Variants in MALRD1 observed in about 807,000 individuals in gnomAD.
MALRD1 encodes MAM and LDL receptor class A domain containing 1.
MALRD1 carries 247 observed loss-of-function variants against 242.1 expected under a neutral mutation model. That is an observed-to-expected ratio of 1.02 (90% CI 0.92 to 1.13). The LOEUF (loss-of-function observed/expected upper bound fraction) is 1.13. Among genes scored for constraint, MALRD1 ranks in the 50% most tolerant of loss-of-function variants. The pLI is 0.00. For synonymous variants in MALRD1, 995 were observed against 866.6 expected (o/e 1.15, Z -2.60); for missense variants, 2,989 against 2,533.1 (o/e 1.18, Z -3.86).
intron 2 of MALRD1, among the ~76,000 whole-genome samples, chr10:19,075,099 G>C (rs1835276370): frequency 6.6e-6 from 1 of 151,938 alleles, no homozygotes; most frequent in Non-Finnish European, 1.5e-5. Context: ...TCTTTCAAGT[G>C]AATTAATCCA....
chr10:19,084,348 A>G (rs952163438), intron 2 of MALRD1, among the ~76,000 whole-genome samples: 4 of 151,960 alleles, frequency 2.6e-5, no homozygotes, highest in Admixed American at 2.0e-4. Context: ...TCATATTTCT[A>G]TAAGTTTTGA....
chr10:19,514,702 C>T (rs938919049), intron 31 of MALRD1, among the ~76,000 whole-genome samples: 1 of 152,084 alleles, frequency 6.6e-6, no homozygotes, highest in African/African-American at 2.4e-5. Flanking sequence ...ACTCACTTTT[C>T]TTAAGAAATG....
intron 32 of MALRD1, among the ~76,000 whole-genome samples, chr10:19,549,225 C>T (rs1321244542): frequency 6.6e-6 from 1 of 152,138 alleles, no homozygotes; most frequent in Non-Finnish European, 1.5e-5. Context: ...AAAGAAGCCA[C>T]CTGCTTAACA....
Position 19,514,255 on chromosome 10 carries a change from C to A in MALRD1, c.5320+15609C>A, listed in dbSNP as rs186987491. On this transcript the variant is annotated intron_variant, in intron 31 of 39. Transcript: ENST00000454679. ...TATGACTGACAGCATTATACTACAACCATCAGTTTCCTTGGAATTTTATAT... is the reference window on the plus strand; with the variant it reads ...TATGACTGACAGCATTATACTACAAACATCAGTTTCCTTGGAATTTTATAT... 9.2e-5 allele frequency among the ~76,000 whole-genome samples: 14 copies of A among 152,210 alleles called. No individual in the cohort carries two copies. The East Asian group carries it at 2.7e-3, about 29-fold the overall frequency.
At chr10:19,411,644 C>G (rs118191067) in intron 28 of MALRD1, among the ~76,000 whole-genome samples, 34 of 152,190 alleles carry the variant, frequency 2.2e-4, no homozygotes, top group African/African-American at 8.2e-4. Flanking sequence ...TTCCAGGATC[C>G]GAGCGCTTAA....
intron 14 of MALRD1, among the ~76,000 whole-genome samples, chr10:19,195,637 A>G (rs969372430): frequency 3.3e-5 from 5 of 152,134 alleles, no homozygotes; most frequent in Admixed American, 2.0e-4. Flanking sequence ...AAATGACAAC[A>G]CCATTCTTCA....
chr10:19,707,043 C>T (rs1333580205), intron 38 of MALRD1, among the ~76,000 whole-genome samples: 1 of 148,112 alleles, frequency 6.8e-6, no homozygotes, highest in Non-Finnish European at 1.5e-5. Flanking sequence ...CTCTTCCTTT[C>T]TTCTTCTTCC....
intron 31 of MALRD1, among the ~76,000 whole-genome samples, chr10:19,523,081 A>G (rs1414432129): frequency 2.0e-5 from 3 of 152,168 alleles, no homozygotes; most frequent in African/African-American, 7.2e-5. Flanking sequence ...CATGTAGTAG[A>G]TCATTTAATT....
intron 29 of MALRD1, among the ~76,000 whole-genome samples, chr10:19,478,719 G>A (rs73595817): frequency 0.031 from 4,734 of 151,932 alleles, 243 homozygotes; most frequent in African/African-American, 0.11. Context: ...ATTTCATCAC[G>A]TACCATGGGC....
At chr10:19,243,445 T>G (rs10763896) in intron 18 of MALRD1, among the ~76,000 whole-genome samples, 34,787 of 152,032 alleles carry the variant, frequency 0.23, 4,176 homozygotes, top group Admixed American at 0.34. Flanking sequence ...TTTACAACCA[T>G]CCACCATAGA....
rs1834665668 is a variant in MALRD1, at chr10:19,165,827, T to G, written c.1830+17T>G. 2 of 1,230,808 alleles carry G rather than the reference T, an allele frequency of 1.6e-6. No homozygotes were observed. The allele number at this position is 1,230,808 out of a possible 1,614,324, so 76.2% of individuals were successfully genotyped here. On this transcript the variant is annotated intron_variant, in intron 13 of 39. Coordinates refer to ENST00000454679, the MANE Select transcript of MALRD1 (RefSeq NM_001142308.3). ...CCTTTTCAGGTAAGCACATACGAAA[T>G]TAATACAACTCAACAGAAGACACTT...
At chr10:19,219,117 C>T (rs771200922) in intron 18 of MALRD1, among the ~76,000 whole-genome samples, 19 of 151,896 alleles carry the variant, frequency 1.3e-4, no homozygotes, top group Non-Finnish European at 2.2e-4. Flanking sequence ...TTTTTTCCCA[C>T]GTTTTCTAAA....
intron 24 of MALRD1, among the ~76,000 whole-genome samples, chr10:19,342,561 A>T (rs1254068900): frequency 6.6e-6 from 1 of 152,162 alleles, no homozygotes. Flanking sequence ...AATGAAGATA[A>T]TTTAGTCATA....
intron 32 of MALRD1, among the ~76,000 whole-genome samples, chr10:19,550,720 C>G (rs1835436605): frequency 6.6e-6 from 1 of 152,028 alleles, no homozygotes; most frequent in African/African-American, 2.4e-5. Flanking sequence ...GTGTATGTAC[C>G]ACATTTTCCT....
At chr10:19,110,417 A>G (rs565569709) in intron 5 of MALRD1, among the ~76,000 whole-genome samples, 15 of 152,356 alleles carry the variant, frequency 9.8e-5, no homozygotes, top group South Asian at 4.1e-4. Flanking sequence ...AAATCACTAT[A>G]TGCTACATTT....
intron 19 of MALRD1, among the ~76,000 whole-genome samples, chr10:19,271,771 A>G (rs902699545): frequency 1.3e-5 from 2 of 152,226 alleles, no homozygotes; most frequent in African/African-American, 2.4e-5. Flanking sequence ...TCAAAAAAAT[A>G]TAAAAGTTAA....
rs375113980 is a variant in MALRD1 at position 19,383,732 on chromosome 10, T to C, written c.4442-3796T>C. Among the ~76,000 whole-genome samples, 4 of 152,118 alleles carry C rather than the reference T, an allele frequency of 2.6e-5. No homozygotes were observed. The East Asian group carries it at 7.7e-4, about 29-fold the overall frequency. On this transcript the variant is annotated intron_variant, in intron 26 of 39. Coordinates refer to ENST00000454679, the MANE Select transcript of MALRD1 (RefSeq NM_001142308.3). ...TCATATTTACATGTGATGATCAAAA[T>C]ATCTCTTCCAATAACAAAAACTTTA...
intron 38 of MALRD1, among the ~76,000 whole-genome samples, chr10:19,717,824 C>A (rs772916315): frequency 1.3e-5 from 2 of 152,014 alleles, no homozygotes; most frequent in Non-Finnish European, 2.9e-5. Context: ...TAAGACCAGC[C>A]TGGCCTACAT....
chr10:19,157,405 C>T (rs1383105784), intron 12 of MALRD1, among the ~76,000 whole-genome samples: 1 of 151,686 alleles, frequency 6.6e-6, no homozygotes, highest in South Asian at 2.1e-4. Flanking sequence ...CCACACCACT[C>T]CCGGCTAATT....
Sources: gnomAD v4.1 joint callset for allele counts (sites outside exome capture counted in the v4.1 genomes callset) on GRCh38, gnomAD v4.1.1 for gene constraint, MANE v1.5 for transcripts, NCBI Gene and HGNC (gene_info 2026-07-23, HGNC 2026-07-21) for gene names.